The following WAC variants were observed in gnomAD, a reference collection of about 807,000 sequenced individuals.
WAC encodes the protein WW domain-containing adapter protein with coiled-coil.
In WAC, 11 loss-of-function variants were observed where a neutral mutation model predicts 79.6. That is an observed-to-expected ratio of 0.14 (90% confidence interval 0.09 to 0.23). The LOEUF is 0.23. Among genes scored for constraint, WAC ranks in the 10% least tolerant of loss-of-function variants. The probability of loss-of-function intolerance (pLI) is 1.00; values close to 1 mark genes in which losing one functional copy is unlikely to be tolerated. For synonymous variants in WAC, 304 were observed against 276.9 expected (o/e 1.10, Z -0.97); for missense variants, 728 against 773.5 (o/e 0.94, Z 0.70).
intron 3 of WAC, among the ~76,000 whole-genome samples, chr10:28,575,528 G>A (rs1352761469): frequency 1.3e-5 from 2 of 152,222 alleles, no homozygotes; most frequent in African/African-American, 4.8e-5. Context: ...AGCTATTCTA[G>A]TGGGTGTGAA....
chr10:28,564,527 C>G (rs557220839), intron 3 of WAC, among the ~76,000 whole-genome samples: 2 of 152,254 alleles, frequency 1.3e-5, no homozygotes, highest in African/African-American at 4.8e-5. Context: ...CATCCACCAA[C>G]AATGTCTTTA....
intron 7 of WAC, among the ~76,000 whole-genome samples, chr10:28,607,868 T>C (rs989350572): frequency 1.8e-4 from 27 of 152,226 alleles, no homozygotes; most frequent in African/African-American, 5.5e-4. Context: ...AATAAATAAT[T>C]ATCTTTGAGA....
rs573433336 is a variant in WAC at position 28,560,680 on chromosome 10, C to T, written c.275-22719C>T. 1.4e-3 allele frequency among the ~76,000 whole-genome samples: 210 copies of T among 152,276 alleles called. 1 individual carries two copies. Among genetic ancestry groups the T allele is most frequent in the Non-Finnish European group, 2.4e-3 (164 of 68,020 alleles). On this transcript the variant is annotated intron_variant, in intron 3 of 13. Transcript: ENST00000354911. ...AAGAAATTGAGTAAAGACCAGGAACCTGCAGACTCTGTAAAGGACACATGT... is the reference window on the plus strand; with the variant it reads ...AAGAAATTGAGTAAAGACCAGGAACTTGCAGACTCTGTAAAGGACACATGT...
chr10:28,583,403 C>T lies in WAC; in HGVS notation c.279C>T (p.Thr93=), dbSNP rs1274941220. 1 of 1,571,300 alleles carries T rather than the reference C, an allele frequency of 6.4e-7. No homozygotes were observed. Among genetic ancestry groups the T allele is most frequent in the African/African-American group, 1.4e-5 (1 of 71,858 alleles). The change falls in exon 4 of 14, where the codon ACC becomes ACT. Residue 93 remains threonine, a synonymous_variant. Transcript: ENST00000354911. ...THRVRERDGG[T]SYSPQENSHN... is the part of the protein sequence containing the mutation. ...TTTGTTCTTTATTTTTTTAAGGGACCAGTTACTCTCCACAAGAAAATTCAC... is the reference window on the plus strand; with the variant it reads ...TTTGTTCTTTATTTTTTTAAGGGACTAGTTACTCTCCACAAGAAAATTCAC...
At chr10:28,539,174 G>A (rs754699276) in intron 3 of WAC, among the ~76,000 whole-genome samples, 1 of 152,130 alleles carries the variant, frequency 6.6e-6, no homozygotes, top group Non-Finnish European at 1.5e-5. Context: ...TGGCATCACA[G>A]CATTTTTCAG....
At chr10:28,538,934 CAAGT>C (rs1260838474) in intron 3 of WAC, among the ~76,000 whole-genome samples, 3 of 149,370 alleles carry the variant, frequency 2.0e-5, no homozygotes, top group African/African-American at 7.4e-5. Context: ...AAATCAAATG[CAAGT>C]GAGTTGGATT....
intron 3 of WAC, among the ~76,000 whole-genome samples, chr10:28,554,196 G>A (rs1837857712): frequency 6.6e-6 from 1 of 152,128 alleles, no homozygotes; most frequent in South Asian, 2.1e-4. Context: ...TACACAGGAT[G>A]TGCATAGGTT....
rs1373782328 is a variant in WAC at position 28,622,475 on chromosome 10, C to T, written c.*2869C>T. The T allele has an allele frequency of 7.7e-6, 1 of 129,402 alleles. No individual in the cohort carries two copies. Among genetic ancestry groups the T allele is most frequent in the African/African-American group, 3.0e-5 (1 of 33,826 alleles). 8.0% of individuals were successfully genotyped at this position (129,402 alleles called of 1,614,324 possible). On this transcript the variant is annotated 3_prime_UTR_variant, in exon 14 of 14. Transcript: ENST00000354911. ...AAAAGATCAGTAGTCTCTATTCAAA[C>T]TTTTAAAATGTCGTGGTATTGTAAC...
chr10:28,589,175 A>AT (rs1839971115), intron 4 of WAC: 1 of 152,226 alleles, frequency 6.6e-6, no homozygotes, highest in African/African-American at 2.4e-5. Flanking sequence ...TGAGAACAAG[A>AT]TTCTGGTTTA....
intron 3 of WAC, among the ~76,000 whole-genome samples, chr10:28,574,792 T>A (rs1162438204): frequency 6.6e-6 from 1 of 152,182 alleles, no homozygotes; most frequent in African/African-American, 2.4e-5. Flanking sequence ...GGCATATATT[T>A]TCATTTCTTC....
chr10:28,555,989 G>T (rs1480599307), intron 3 of WAC, among the ~76,000 whole-genome samples: 2 of 152,152 alleles, frequency 1.3e-5, no homozygotes, highest in African/African-American at 4.8e-5. Flanking sequence ...CTGAATATTG[G>T]CCAGGGTGAT....
intron 3 of WAC, among the ~76,000 whole-genome samples, chr10:28,550,845 CT>C (rs1837627586): frequency 6.6e-6 from 1 of 152,118 alleles, no homozygotes; most frequent in Non-Finnish European, 1.5e-5. Context: ...AATTGATGTG[CT>C]AATTCCAAAC....
intron 4 of WAC, 30 bp downstream of exon 4, chr10:28,583,535 T>A (rs1221478773): frequency 7.2e-7 from 1 of 1,391,784 alleles, no homozygotes; most frequent in East Asian, 2.6e-5. Context: ...CCAATATGGT[T>A]TCTTTGGAAT....
intron 3 of WAC, among the ~76,000 whole-genome samples, chr10:28,568,272 A>G (rs746855277): frequency 9.2e-5 from 14 of 152,230 alleles, no homozygotes; most frequent in Non-Finnish European, 1.5e-4. Context: ...GTTGTTTGCA[A>G]AAATACATTA....
At chr10:28,569,903 C>T (rs1564392368) in intron 3 of WAC, among the ~76,000 whole-genome samples, 1 of 152,158 alleles carries the variant, frequency 6.6e-6, no homozygotes, top group East Asian at 1.9e-4. Context: ...AATAAACAAC[C>T]ATTTCATAGT....
intron 7 of WAC, among the ~76,000 whole-genome samples, chr10:28,597,420 GTATT>G (rs1364774301): frequency 7.9e-5 from 12 of 152,222 alleles, no homozygotes; most frequent in Admixed American, 3.9e-4. Context: ...CCCTTTGAAA[GTATT>G]TATCCCATGT....
chr10:28,547,048 T>C (rs1837386074), intron 3 of WAC, among the ~76,000 whole-genome samples: 1 of 152,212 alleles, frequency 6.6e-6, no homozygotes, highest in Non-Finnish European at 1.5e-5. Flanking sequence ...ATGTATTTCC[T>C]GTTGGGTACA....
Position 28,616,162 on chromosome 10 carries a change from C to T in WAC, c.1557-11C>T, listed in dbSNP as rs1841458517. On this transcript the variant is annotated splice_polypyrimidine_tract_variant and intron_variant, in intron 11 of 13. Transcript: ENST00000354911. The stretch of plus-strand genomic sequence containing the variant: ...TTTTAAACATACTACACATTCAATT[C>T]TGTTTTCTAGTAGCCAGAGAAGTCC... 6.4e-7 allele frequency: 1 copy of T among 1,572,306 alleles called. No individual in the cohort carries two copies.
chr10:28,587,662 A>G (rs1839891798), intron 4 of WAC, among the ~76,000 whole-genome samples: 1 of 152,214 alleles, frequency 6.6e-6, no homozygotes, highest in African/African-American at 2.4e-5. Flanking sequence ...GCATTGTAAA[A>G]ATTATCCCAT....
Sources: gnomAD v4.1 joint callset for allele counts (sites outside exome capture counted in the v4.1 genomes callset) on GRCh38, gnomAD v4.1.1 for gene constraint, MANE v1.5 for transcripts, NCBI Gene and HGNC (gene_info 2026-07-23, HGNC 2026-07-21) for gene names.